The following NAV3 variants were observed in gnomAD, a reference collection of about 807,000 sequenced individuals.
The protein encoded by NAV3 is neuron navigator 3, also known as pore membrane and/or filament interacting like protein 1.
A neutral mutation model predicts 244.7 loss-of-function variants in NAV3; 87 were observed. The observed-to-expected ratio is 0.36, with a 90% CI of 0.30 to 0.42. The LOEUF (loss-of-function observed/expected upper bound fraction) is 0.42, where lower values mean the gene tolerates loss of function less well. Ranked by LOEUF, NAV3 falls within the 20% of genes least tolerant of loss-of-function variation. The pLI, the probability that NAV3 is intolerant of heterozygous loss-of-function variation, is 1.00. For synonymous variants in NAV3, 1,126 were observed against 1,042.2 expected (o/e 1.08, Z -1.55); for missense variants, 2,663 against 2,893.3 (o/e 0.92, Z 1.83).
chr12:78,171,629 A>G (rs927447625), intron 24 of NAV3, among the ~76,000 whole-genome samples: 2 of 151,622 alleles, frequency 1.3e-5, no homozygotes, highest in African/African-American at 4.8e-5. Context: ...TAATGAACAC[A>G]AAGTGATTCT....
At chr12:78,086,416 A>T (rs1482051812) in intron 12 of NAV3, among the ~76,000 whole-genome samples, 1 of 152,104 alleles carries the variant, frequency 6.6e-6, no homozygotes, top group African/African-American at 2.4e-5. Context: ...AAACATATGC[A>T]GCATTTTAAG....
At chr12:78,066,658 A>G (rs1037257767) in intron 12 of NAV3, among the ~76,000 whole-genome samples, 3 of 152,166 alleles carry the variant, frequency 2.0e-5, no homozygotes, top group Non-Finnish European at 4.4e-5. Flanking sequence ...ACTAATCAAT[A>G]TAACTTCACA....
intron 12 of NAV3, among the ~76,000 whole-genome samples, chr12:78,073,751 A>C (rs950521673): frequency 5.3e-5 from 8 of 152,120 alleles, no homozygotes; most frequent in Non-Finnish European, 1.2e-4. Flanking sequence ...TAAGCCAAAA[A>C]AACAAAGCTG....
At chr12:77,905,186 T>C (rs964451831) in intron 1 of NAV3, among the ~76,000 whole-genome samples, 5 of 152,224 alleles carry the variant, frequency 3.3e-5, no homozygotes, top group Non-Finnish European at 5.9e-5. Context: ...TCTTGGATTT[T>C]GAGATTCAAG....
intron 9 of NAV3, among the ~76,000 whole-genome samples, chr12:78,040,133 C>T (rs1011583235): frequency 9.9e-5 from 15 of 152,082 alleles, no homozygotes; most frequent in Non-Finnish European, 1.9e-4. Flanking sequence ...TATTTAAGAC[C>T]ATGCAATCAG....
intron 8 of NAV3, among the ~76,000 whole-genome samples, chr12:78,014,252 C>T (rs1361466591): frequency 6.6e-6 from 1 of 151,908 alleles, no homozygotes; most frequent in African/African-American, 2.4e-5. Context: ...CTTTTCTGAC[C>T]ATTTGTAGTA....
In NAV3 at chr12:77,874,883, T is replaced by C. The variant is rs866597823; in HGVS notation, c.243+43179T>C. 2.0e-5 allele frequency among the ~76,000 whole-genome samples: 3 copies of C among 152,296 alleles called. No homozygotes were observed. The South Asian group carries it at 6.2e-4, about 32-fold the overall frequency. Reference sequence around the variant, plus strand: ...TTTATTCTGTATTTTTTTTATAGATTTGTTACTCTGAAGTTTACATCTTTC... The same window carrying C: ...TTTATTCTGTATTTTTTTTATAGATCTGTTACTCTGAAGTTTACATCTTTC... On this transcript the variant is annotated intron_variant, in intron 1 of 39. Transcript: ENST00000397909.
chr12:77,863,636 T>C (rs1879582956), intron 1 of NAV3, among the ~76,000 whole-genome samples: 1 of 151,900 alleles, frequency 6.6e-6, no homozygotes, highest in Non-Finnish European at 1.5e-5. Flanking sequence ...TCTTGATTCA[T>C]TGACAGAAAT....
chr12:78,181,858 G>A (rs183130906), intron 30 of NAV3, among the ~76,000 whole-genome samples: 70 of 152,022 alleles, frequency 4.6e-4, no homozygotes, highest in African/African-American at 1.4e-3. Flanking sequence ...GAAGGAGAAG[G>A]AGAAGGGAAA....
In NAV3 at chr12:78,079,526, C is replaced by T. The variant is rs149987266; in HGVS notation, c.2636+20411C>T. Among the ~76,000 whole-genome samples the T allele has an allele frequency of 1.8e-3, 270 of 152,068 alleles. 1 individual carries two copies. The highest frequency in any genetic ancestry group is 3.4e-3 in the Middle Eastern group (1 of 294). ...CAATCCCAAACCTACTTTAAAAGGA[C>T]GATTATAAAGATTACATAAGATAGC... On this transcript the variant is annotated intron_variant, in intron 12 of 39. Transcript: ENST00000397909.
At position 78,050,769 on chromosome 12, in the gene NAV3, T is replaced by C. The variant is rs1241734610; in HGVS notation, c.2138T>C (p.Leu713Pro). Residue 713 changes from leucine (L) to proline (P), a missense_variant, in exon 11 of 40, where the codon CTG becomes CCG. Physicochemically the swap from Leu to Pro is moderately conservative, Grantham distance 98. This residue lies in a region of NAV3 where 1,521 missense variants were observed against 1,497.0 expected (regional missense o/e 1.02). Coordinates refer to ENST00000397909, the MANE Select transcript of NAV3 (RefSeq NM_001024383.2). ...TTCTCCATTTTATTTGACAGCACCC[T>C]GGAGACAACATTTGACAGCACTGTG... ...LRGTQISHST[L>P]ETTFDSTVTT... 3.1e-6 allele frequency: 5 copies of C among 1,593,290 alleles called. No homozygotes were observed. The highest frequency in any genetic ancestry group is 1.3e-5 in the African/African-American group (1 of 74,454).
At chr12:77,965,339 G>A (rs535747720) in intron 3 of NAV3, among the ~76,000 whole-genome samples, 1 of 152,090 alleles carries the variant, frequency 6.6e-6, no homozygotes, top group Non-Finnish European at 1.5e-5. Context: ...AATCCATGGG[G>A]CCTGGCATGG....
intron 2 of NAV3, among the ~76,000 whole-genome samples, chr12:77,632,038 TTTC>T (rs1178966036): frequency 4.6e-5 from 7 of 152,038 alleles, no homozygotes; most frequent in African/African-American, 1.7e-4. Flanking sequence ...TTTATTGCTT[TTTC>T]AATTCAGAGC....
chr12:77,666,180 T>A (rs900316925), intron 2 of NAV3, among the ~76,000 whole-genome samples: 3 of 81,002 alleles, frequency 3.7e-5, no homozygotes, highest in African/African-American at 1.9e-4. Context: ...ATGTTTACAG[T>A]TTTTTTTTTT....
chr12:77,688,750 C>T lies in NAV3; in HGVS notation c.72+116484C>T, dbSNP rs949535103. Among the ~76,000 whole-genome samples the T allele has an allele frequency of 3.2e-4, 49 of 151,560 alleles. 1 individual carries two copies. Among genetic ancestry groups the T allele is most frequent in the Middle Eastern group, 3.2e-3 (1 of 316 alleles). ...GTTAGATTGTAGAGTATCTTAAAGA[C>T]GGATAGATAATGAAGGAGAGGCTCT... is the stretch of plus-strand genomic sequence containing the variant. On this transcript the variant is annotated intron_variant, in intron 2 of 8. Coordinates refer to the NAV3 transcript ENST00000550042.
chr12:77,631,576 C>CA (rs1871900680), intron 2 of NAV3, among the ~76,000 whole-genome samples: 1 of 151,790 alleles, frequency 6.6e-6, no homozygotes, highest in African/African-American at 2.4e-5. Flanking sequence ...GATCCAAGTT[C>CA]AAATCAAAGC....
chr12:77,633,231 T>C (rs1230965885), intron 2 of NAV3, among the ~76,000 whole-genome samples: 1 of 152,138 alleles, frequency 6.6e-6, no homozygotes, highest in East Asian at 1.9e-4. Context: ...AATACTCCTG[T>C]AAATCCGTAA....
intron 30 of NAV3, among the ~76,000 whole-genome samples, chr12:78,181,852 G>A (rs2139753687): frequency 6.6e-6 from 1 of 152,040 alleles, no homozygotes; most frequent in Non-Finnish European, 1.5e-5. Flanking sequence ...AATACAGAAG[G>A]AGAAGGAGAA....
At chr12:78,036,945 CT>C in intron 9 of NAV3, 1 of 703,010 alleles carries the variant, frequency 1.4e-6, no homozygotes. Context: ...ACAAAAGTCT[CT>C]GACCAATCTT....
Sources: gnomAD v4.1 joint callset for allele counts (sites outside exome capture counted in the v4.1 genomes callset) on GRCh38, gnomAD v4.1.1 for gene constraint, gnomAD v4.1.1 regional missense constraint, MANE v1.5 for transcripts, NCBI Gene and HGNC (gene_info 2026-07-23, HGNC 2026-07-21) for gene names.